SCAP: variants seen among roughly 807,000 people sequenced by gnomAD.
SCAP encodes sterol regulatory element-binding protein cleavage-activating protein.
SCAP carries 65 observed loss-of-function variants against 123.6 expected under a neutral mutation model. That is an observed-to-expected ratio of 0.53 (90% CI 0.43 to 0.65). SCAP has a LOEUF of 0.65. Ranked by LOEUF, SCAP falls within the 30% of genes least tolerant of loss-of-function variation. The probability of loss-of-function intolerance (pLI) is 0.00; values close to 1 mark genes in which losing one functional copy is unlikely to be tolerated. For missense variants in SCAP, 1,398 were observed against 1,712.5 expected (o/e 0.82, Z 3.24); for synonymous variants, 740 against 726.3 (o/e 1.02, Z -0.30).
rs1708164289 is a variant in SCAP, at chr3:47,473,887, G to A, written c.-99+1912C>T. 1.3e-5 allele frequency among the ~76,000 whole-genome samples: 2 copies of A among 152,150 alleles called. 1 individual carries two copies. The highest frequency in any genetic ancestry group is 4.1e-4 in the South Asian group (2 of 4,834). ...ACCTAATGACAGTGACTGAGGGAAC[G>A]GGGGAAGGGCCCCAAACCAGTGATT... On this transcript the variant is annotated intron_variant, in intron 1 of 22. Transcript: ENST00000265565.
At chr3:47,467,552 CTG>C (rs1315814056) in intron 1 of SCAP, among the ~76,000 whole-genome samples, 1 of 151,814 alleles carries the variant, frequency 6.6e-6, no homozygotes, top group Non-Finnish European at 1.5e-5. Context: ...CTGCAGTCAA[CTG>C]TGATTGCGCC....
chr3:47,416,827 C>T (rs1705599809), intron 18 of SCAP, among the ~76,000 whole-genome samples: 2 of 151,722 alleles, frequency 1.3e-5, no homozygotes, highest in East Asian at 3.9e-4. Context: ...GGGGTTTCAC[C>T]GTTTTAGCCG....
In SCAP at chr3:47,413,730, T is replaced by TAATA. The variant is rs1705414931; in HGVS notation, c.*120_*123dup. 2 of 1,325,288 alleles carry TAATA rather than the reference T, an allele frequency of 1.5e-6. No homozygotes were observed. Among genetic ancestry groups the TAATA allele is most frequent in the Admixed American group, 2.3e-5 (1 of 43,854 alleles). The allele number at this position is 1,325,288 out of a possible 1,614,324, so 82.1% of individuals were successfully genotyped here. A position where few individuals can be genotyped will look rare whatever the true frequency, so the allele number is the denominator to read the frequency against. ...GATGATATGGTTTTTTAAAAAAGTT[T>TAATA]AATATTATTACAGTCAGGAGGCAGC... On this transcript the variant is annotated 3_prime_UTR_variant, in exon 23 of 23. Coordinates refer to ENST00000265565, the MANE Select transcript of SCAP (RefSeq NM_012235.4).
chr3:47,425,716 T>G, intron 7 of SCAP, 105 bp from the exon 8 acceptor site: 2 of 1,286,348 alleles, frequency 1.6e-6, no homozygotes, highest in Non-Finnish European at 2.2e-6. Flanking sequence ...GGAAAACTCC[T>G]GGTTTCACCA....
At chr3:47,426,595 G>A (rs1043331986) in intron 6 of SCAP, among the ~76,000 whole-genome samples, 1 of 151,956 alleles carries the variant, frequency 6.6e-6, no homozygotes, top group Non-Finnish European at 1.5e-5. Context: ...CCACCACCAC[G>A]CCCGGCTAAT....
chr3:47,465,993 C>T (rs768183336), intron 1 of SCAP, among the ~76,000 whole-genome samples: 1 of 151,678 alleles, frequency 6.6e-6, no homozygotes, highest in South Asian at 2.1e-4. Flanking sequence ...ATTAGCTGGG[C>T]GTGGTGGCAG....
chr3:47,435,656 G>A (rs1271774255), intron 2 of SCAP, among the ~76,000 whole-genome samples: 3 of 152,036 alleles, frequency 2.0e-5, no homozygotes, highest in Non-Finnish European at 4.4e-5. Flanking sequence ...AAAGTGCTGA[G>A]ATTACAGGCG....
chr3:47,433,376 A>G (rs902922024), intron 3 of SCAP, among the ~76,000 whole-genome samples: 2 of 152,168 alleles, frequency 1.3e-5, no homozygotes, highest in Non-Finnish European at 2.9e-5. Flanking sequence ...GAGGAAATGG[A>G]CAATGCTCCT....
At chr3:47,426,296 TG>T in intron 6 of SCAP, 127 bp from the exon 7 acceptor site, 1 of 941,104 alleles carries the variant, frequency 1.1e-6, no homozygotes, top group Admixed American at 3.0e-5. Context: ...AACTTCTCTA[TG>T]GTGCCTGAGC....
At chr3:47,421,964 C>T (rs1408586732) in intron 10 of SCAP, among the ~76,000 whole-genome samples, 1 of 152,266 alleles carries the variant, frequency 6.6e-6, no homozygotes, top group South Asian at 2.1e-4. Context: ...GGTGGCCCTC[C>T]CACTGGTCAG....
chr3:47,426,118 G>T lies in SCAP; in HGVS notation c.789C>A (p.Asn263Lys), dbSNP rs1478107415. 1 of 1,614,088 alleles carries T rather than the reference G, an allele frequency of 6.2e-7. No homozygotes were observed. Among genetic ancestry groups the T allele is most frequent in the Non-Finnish European group, 8.5e-7 (1 of 1,179,984 alleles). The change falls in exon 7 of 23, where the codon AAC becomes AAA. Residue 263 changes from asparagine to lysine, a missense_variant. Around this residue, in one of 7 missense-constraint regions of SCAP, gnomAD observed 319 missense variants for 432.4 expected, o/e 0.74. Transcript: ENST00000265565. ...CCAGGCTCTCCGCCCGAAGGCTGCAGTTGGGGCTGGGGTGCAGAAGCATCA... is the reference window on the plus strand; with the variant it reads ...CCAGGCTCTCCGCCCGAAGGCTGCATTTGGGGCTGGGGTGCAGAAGCATCA... ...ARLMLLHPSP[N>K]CSLRAESLVH...
intron 1 of SCAP, among the ~76,000 whole-genome samples, chr3:47,466,689 G>A (rs1337366579): frequency 6.6e-6 from 1 of 152,098 alleles, no homozygotes; most frequent in African/African-American, 2.4e-5. Context: ...AAAGCCCTTA[G>A]AAGAAAATAT....
intron 1 of SCAP, among the ~76,000 whole-genome samples, chr3:47,466,296 G>T (rs1055907507): frequency 2.0e-5 from 3 of 152,112 alleles, no homozygotes; most frequent in Non-Finnish European, 4.4e-5. Context: ...ACAGTAAGCA[G>T]AACAATGTGG....
rs1205220683 is a variant in SCAP, at chr3:47,439,836, G to A, written c.122+3036C>T. 6.6e-6 allele frequency among the ~76,000 whole-genome samples: 1 copy of A among 152,224 alleles called. No individual in the cohort carries two copies. The highest frequency in any genetic ancestry group is 1.5e-5 in the Non-Finnish European group (1 of 68,044). On this transcript the variant is annotated intron_variant, in intron 2 of 22. Coordinates refer to ENST00000265565, the MANE Select transcript of SCAP (RefSeq NM_012235.4). The surrounding 1 kb of genome is among the most constrained non-coding windows in gnomAD (Gnocchi z 4.0). ...AGGCTCAGCACTGGGTTCATTTGAA[G>A]TAGTGTCCTTGGCTCTCAGTCACTG...
intron 3 of SCAP, chr3:47,428,953 A>G: frequency 1.2e-5 from 4 of 333,744 alleles, no homozygotes; most frequent in Non-Finnish European, 2.2e-5. Context: ...CCGATGTCAC[A>G]GCCTGAATTT....
In SCAP at chr3:47,454,684, G is replaced by A. The variant is rs1266317130; in HGVS notation, c.-98-11593C>T. Among the ~76,000 whole-genome samples the A allele has an allele frequency of 2.0e-5, 3 of 152,028 alleles. No individual in the cohort carries two copies. In the East Asian group the frequency reaches 5.8e-4, roughly 29 times the overall value. On this transcript the variant is annotated intron_variant, in intron 1 of 22. Transcript: ENST00000265565. ...AATCGCTTGAACCCAGGAGGCAGAA[G>A]TTACAGTGAGCCAAGATTGTGCCAC...
chr3:47,416,052 C>T (rs368862410), intron 18 of SCAP, among the ~76,000 whole-genome samples: 5 of 152,214 alleles, frequency 3.3e-5, no homozygotes, highest in Admixed American at 3.3e-4. Flanking sequence ...ACAGGAATGA[C>T]GGCAGCAGCC....
intron 6 of SCAP, 82 bp downstream of exon 6, chr3:47,427,075 C>T: frequency 1.0e-6 from 1 of 965,008 alleles, no homozygotes; most frequent in Non-Finnish European, 1.6e-6. Context: ...GCATTCAGAA[C>T]ACTCTAACCA....
chr3:47,424,169 T>A, intron 8 of SCAP, 124 bp from the exon 9 acceptor site: 1 of 692,888 alleles, frequency 1.4e-6, no homozygotes, highest in South Asian at 1.7e-5. Flanking sequence ...CCACAGGTGC[T>A]GGGCAGAAAC....
Sources: gnomAD v4.1 joint callset for allele counts (sites outside exome capture counted in the v4.1 genomes callset) on GRCh38, gnomAD v4.1.1 for gene constraint, gnomAD v4.1.1 regional missense constraint, Gnocchi (gnomAD v3.1) non-coding constraint, MANE v1.5 for transcripts, NCBI Gene and HGNC (gene_info 2026-07-23, HGNC 2026-07-21) for gene names.